ABCC11: variants seen among roughly 807,000 people sequenced by gnomAD.
ABCC11 encodes the protein ATP-binding cassette sub-family C member 11.
A neutral mutation model predicts 149.3 loss-of-function variants in ABCC11; 135 were observed. That is an observed-to-expected ratio of 0.90 (90% confidence interval 0.79 to 1.04). The LOEUF (loss-of-function observed/expected upper bound fraction) is 1.04. Among genes scored for constraint, ABCC11 ranks in the 50% least tolerant of loss-of-function variants. The pLI is 0.00. For synonymous variants in ABCC11, 665 were observed against 671.4 expected, an observed-to-expected ratio of 0.99 and a Z score of 0.15; for missense variants, 1,680 against 1,722.1, an observed-to-expected ratio of 0.98 and a Z score of 0.43.
At position 48,187,390 on chromosome 16, in the gene ABCC11, G is replaced by A; in HGVS notation, c.2744C>T (p.Pro915Leu). The change falls in exon 21 of 30, where the codon CCA (proline) becomes CTA (leucine). Residue 915 changes from proline (P) to leucine (L), a missense_variant. Coordinates refer to ENST00000356608, the MANE Select transcript of ABCC11 (RefSeq NM_001370497.1). ...RCPMSFFDTI[P>L]IGRLLNCFAG... ...GAAGCAGTTCAAAAGCCGGCCTATT[G>A]GGATGGTGTCAAAGAAACTCATGGG... 1 of 1,613,960 alleles carries A rather than the reference G, an allele frequency of 6.2e-7. No individual in the cohort carries two copies. The highest frequency in any genetic ancestry group is 2.2e-5 in the East Asian group (1 of 44,852).
chr16:48,205,712 G>A (rs1968382211), intron 12 of ABCC11, among the ~76,000 whole-genome samples, 175 bp from the exon 13 acceptor site: 1 of 152,164 alleles, frequency 6.6e-6, no homozygotes, highest in African/African-American at 2.4e-5. Flanking sequence ...CCAGGGACCG[G>A]CCATGAGAAC....
intron 1 of ABCC11, among the ~76,000 whole-genome samples, chr16:48,246,143 C>CA (rs1971372195): frequency 6.6e-6 from 1 of 151,894 alleles, no homozygotes; most frequent in Non-Finnish European, 1.5e-5. Flanking sequence ...CAAAACAAAG[C>CA]AACAAAGACC....
At chr16:48,234,727 G>A (rs1970603089) in intron 1 of ABCC11, among the ~76,000 whole-genome samples, 1 of 152,186 alleles carries the variant, frequency 6.6e-6, no homozygotes, top group Non-Finnish European at 1.5e-5. Flanking sequence ...AGATCTTGGA[G>A]GGGGTTATGC....
At chr16:48,244,380 G>C (rs150981618) in intron 1 of ABCC11, 1 of 1,531,338 alleles carries the variant, frequency 6.5e-7, no homozygotes, top group Non-Finnish European at 8.8e-7. Flanking sequence ...AGTGCGAAAG[G>C]CTGCCAGCAT....
In ABCC11 at chr16:48,227,655, A is replaced by C. The variant is rs868804583; in HGVS notation, c.395+151T>G. ...TAGGAGATTCATGAACCCCACGTTA[A>C]AAACCCTCACCTAGTATGAGGCCTC... On this transcript the variant is annotated intron_variant, in intron 4 of 29. Transcript: ENST00000356608. The C allele has an allele frequency of 2.2e-5, 21 of 939,692 alleles. No individual in the cohort carries two copies. In the Middle Eastern group the frequency reaches 1.0e-3, roughly 45 times the overall value. The allele number at this position is 939,692 out of a possible 1,614,324, so 58.2% of individuals were successfully genotyped here.
At chr16:48,229,497 A>G (rs8062815) in intron 3 of ABCC11, among the ~76,000 whole-genome samples, 20,744 of 120,414 alleles carry the variant, frequency 0.17, 2,276 homozygotes, top group African/African-American at 0.31. Context: ...TCGCTCTGTC[A>G]CCCAGCCCGG....
At chr16:48,206,488 C>G (rs1044219551) in intron 12 of ABCC11, among the ~76,000 whole-genome samples, 1 of 152,148 alleles carries the variant, frequency 6.6e-6, no homozygotes, top group Non-Finnish European at 1.5e-5. Flanking sequence ...GACACTCATC[C>G]CCAGCACCCT....
intron 11 of ABCC11, chr16:48,210,588 T>C (rs1299934362): frequency 1.4e-5 from 3 of 213,244 alleles, no homozygotes; most frequent in African/African-American, 6.8e-5. Context: ...GTTCACAGAA[T>C]AACCAAATTC....
chr16:48,224,550 T>G, intron 4 of ABCC11, 121 bp from the exon 5 acceptor site: 5 of 1,144,698 alleles, frequency 4.4e-6, no homozygotes, highest in Non-Finnish European at 6.1e-6. Context: ...TAGAACAATG[T>G]AGTAATCTTC....
chr16:48,241,221 C>T (rs28849445), intron 1 of ABCC11, among the ~76,000 whole-genome samples: 19,917 of 152,168 alleles, frequency 0.13, 1,622 homozygotes, highest in African/African-American at 0.23. Flanking sequence ...CAGGTGTGAG[C>T]CACTGCGTCC....
At position 48,213,570 on chromosome 16, in the gene ABCC11, G is replaced by T. The variant is rs752503701; in HGVS notation, c.1249-20C>A. On this transcript the variant is annotated intron_variant, in intron 9 of 29. Transcript: ENST00000356608. ...GAAGGCCTGGATAAGAAGGGGAGGA[G>T]GTGGTGAGGGTCGTGGCCCTTCCTG... 2 of 1,590,512 alleles carry T rather than the reference G, an allele frequency of 1.3e-6. No individual in the cohort carries two copies. Among genetic ancestry groups the T allele is most frequent in the Non-Finnish European group, 1.7e-6 (2 of 1,166,514 alleles).
At chr16:48,200,509 C>T in intron 14 of ABCC11, 30 bp from the exon 15 acceptor site, 3 of 1,607,830 alleles carry the variant, frequency 1.9e-6, no homozygotes, top group Non-Finnish European at 2.5e-6. Flanking sequence ...GGCACCATGT[C>T]CAGACAGCAA....
At chr16:48,244,317 A>G in intron 1 of ABCC11, 2 of 1,169,316 alleles carry the variant, frequency 1.7e-6, no homozygotes, top group Non-Finnish European at 2.3e-6. Flanking sequence ...AGGTTTGGTG[A>G]CTGCGGGGCA....
rs1454237629 is a variant in ABCC11 at position 48,210,998 on chromosome 16, C to A, written c.1558G>T (p.Gly520Trp). 6.2e-7 allele frequency: 1 copy of A among 1,614,222 alleles called. No individual in the cohort carries two copies. The highest frequency in any genetic ancestry group is 8.5e-7 in the Non-Finnish European group (1 of 1,180,042). ...PRDALGPEEE[G>W]NSLGPELHKI... ...TGCAACTCTGGGCCCAGGCTGTTCC[C>A]TTCTTCCTCTGGCCCGAGGGCATCT... Residue 520 changes from glycine to tryptophan, a missense_variant, in exon 11 of 30, where the codon GGG becomes TGG. Gly to Trp is a radical substitution (Grantham distance 184). Transcript: ENST00000356608.
At chr16:48,224,816 G>T (rs1429034071) in intron 4 of ABCC11, among the ~76,000 whole-genome samples, 2 of 152,032 alleles carry the variant, frequency 1.3e-5, no homozygotes, top group African/African-American at 2.4e-5. Context: ...TGAGGTCAGG[G>T]GTTCGAGACC....
chr16:48,194,286 AT>A (rs2150793834), intron 18 of ABCC11, among the ~76,000 whole-genome samples: 1 of 152,314 alleles, frequency 6.6e-6, no homozygotes, highest in South Asian at 2.1e-4. Context: ...TGAAGATGAT[AT>A]GATATAATGT....
At chr16:48,193,304 G>A (rs180869572) in intron 19 of ABCC11, among the ~76,000 whole-genome samples, 5 of 152,214 alleles carry the variant, frequency 3.3e-5, no homozygotes, top group African/African-American at 7.2e-5. Context: ...CCTGGTACAC[G>A]ATCCAGAAAT....
chr16:48,240,663 T>C (rs1192941167), intron 1 of ABCC11, among the ~76,000 whole-genome samples: 2 of 152,026 alleles, frequency 1.3e-5, no homozygotes, highest in East Asian at 1.9e-4. Context: ...CATCTGCACA[T>C]GTACCCCAGA....
chr16:48,183,461 G>T (rs977933103), intron 23 of ABCC11, among the ~76,000 whole-genome samples: 1 of 152,220 alleles, frequency 6.6e-6, no homozygotes, highest in South Asian at 2.1e-4. Context: ...TACAGAACCC[G>T]TTTTAAAAAT....
Sources: allele counts gnomAD v4.1 joint callset (sites outside exome capture counted in the v4.1 genomes callset), GRCh38; gene constraint gnomAD v4.1.1; transcripts MANE v1.5; gene names NCBI Gene and HGNC (gene_info 2026-07-23, HGNC 2026-07-21).